The following SLC25A48 variants were observed in gnomAD, a reference collection of about 807,000 sequenced individuals.
The protein encoded by SLC25A48 is CTC-321K16.1.
SLC25A48 carries 29 observed loss-of-function variants against 32.2 expected under a neutral mutation model. That is an observed-to-expected ratio of 0.90 (90% CI 0.67 to 1.23). The LOEUF (loss-of-function observed/expected upper bound fraction) is 1.23, where lower values mean the gene tolerates loss of function less well. Ranked by LOEUF, SLC25A48 falls within the 50% of genes most tolerant of loss-of-function variation. SLC25A48 has a pLI of 0.00. For synonymous variants in SLC25A48, 164 were observed against 172.3 expected, an observed-to-expected ratio of 0.95 and a Z score of 0.38; for missense variants, 399 against 422.7, an observed-to-expected ratio of 0.94 and a Z score of 0.49.
chr5:135,723,404 AC>A (rs1561463931), intron 3 of SLC25A48, among the ~76,000 whole-genome samples: 1 of 80,464 alleles, frequency 1.2e-5, no homozygotes, highest in South Asian at 4.6e-4. Context: ...ACACACACAC[AC>A]ACACACACAA....
At chr5:135,584,929 T>G (rs1368046350) in intron 1 of SLC25A48, among the ~76,000 whole-genome samples, 1 of 152,260 alleles carries the variant, frequency 6.6e-6, no homozygotes, top group Non-Finnish European at 1.5e-5. Context: ...GTTGTAAAGC[T>G]TCTCTCCTTG....
chr5:135,759,885 A>C (rs201115946), intron 3 of SLC25A48, among the ~76,000 whole-genome samples: 1 of 147,148 alleles, frequency 6.8e-6, no homozygotes, highest in Non-Finnish European at 1.5e-5. Flanking sequence ...CCTGGAGTGC[A>C]ATGGCACGAT....
At chr5:135,636,404 T>G (rs1193107289) in intron 3 of SLC25A48, among the ~76,000 whole-genome samples, 1 of 152,244 alleles carries the variant, frequency 6.6e-6, no homozygotes, top group Admixed American at 6.5e-5. Flanking sequence ...AGGTCACTTC[T>G]GACTGGATGG....
intron 3 of SLC25A48, among the ~76,000 whole-genome samples, chr5:135,695,621 G>A (rs1218848575): frequency 6.6e-6 from 1 of 151,806 alleles, no homozygotes; most frequent in African/African-American, 2.4e-5. Flanking sequence ...ACCCACAGGG[G>A]TCTCTCTCTG....
intron 1 of SLC25A48, among the ~76,000 whole-genome samples, chr5:135,610,214 G>T (rs958322847): frequency 7.2e-5 from 11 of 152,162 alleles, no homozygotes; most frequent in Non-Finnish European, 2.9e-5. Flanking sequence ...ACATATTTCC[G>T]TGGCCTTTCT....
intron 6 of SLC25A48, 103 bp from the exon 7 acceptor site, chr5:135,879,865 C>A (rs2269927): frequency 1.4e-5 from 21 of 1,450,766 alleles, no homozygotes; most frequent in Non-Finnish European, 1.9e-5. Context: ...GGTGGGGGAC[C>A]GGGCCTGGGT....
At chr5:135,770,330 T>C in intron 3 of SLC25A48, among the ~76,000 whole-genome samples, 1 of 151,394 alleles carries the variant, frequency 6.6e-6, no homozygotes, top group Non-Finnish European at 1.5e-5. Flanking sequence ...GAGGATAATA[T>C]TACTCCCAAT....
intron 3 of SLC25A48, among the ~76,000 whole-genome samples, chr5:135,798,105 G>A (rs1342005102): frequency 6.6e-6 from 1 of 151,824 alleles, no homozygotes; most frequent in Non-Finnish European, 1.5e-5. Flanking sequence ...CACCACCCCT[G>A]TGATATTGTT....
intron 3 of SLC25A48, among the ~76,000 whole-genome samples, chr5:135,739,872 A>G (rs374400689): frequency 6.6e-6 from 1 of 152,192 alleles, no homozygotes; most frequent in Non-Finnish European, 1.5e-5. Flanking sequence ...TGTATATTGC[A>G]AAGTCTAGAC....
At chr5:135,702,813 G>A (rs182188196) in intron 3 of SLC25A48, among the ~76,000 whole-genome samples, 5 of 152,336 alleles carry the variant, frequency 3.3e-5, no homozygotes, top group East Asian at 1.9e-4. Context: ...CACAAAACAC[G>A]TGTTAGCGTG....
intron 3 of SLC25A48, among the ~76,000 whole-genome samples, chr5:135,646,055 T>C (rs986726743): frequency 6.6e-6 from 1 of 152,026 alleles, no homozygotes; most frequent in African/African-American, 2.4e-5. Context: ...CCTTAGGAAG[T>C]GTTTTGAATC....
intron 3 of SLC25A48, among the ~76,000 whole-genome samples, chr5:135,765,630 C>T (rs546421263): frequency 6.6e-6 from 1 of 150,914 alleles, no homozygotes; most frequent in African/African-American, 2.4e-5. Context: ...CATAATATCT[C>T]GGTGGGAAAA....
At chr5:135,628,652 T>G (rs748508984) in intron 1 of SLC25A48, among the ~76,000 whole-genome samples, 3 of 152,062 alleles carry the variant, frequency 2.0e-5, no homozygotes, top group Non-Finnish European at 4.4e-5. Flanking sequence ...TCTTCAGCAG[T>G]CTCTGTCTCT....
chr5:135,830,272 C>T (rs1580933970), upstream of SLC25A48, among the ~76,000 whole-genome samples: 1 of 152,354 alleles, frequency 6.6e-6, no homozygotes, highest in Non-Finnish European at 1.5e-5. Context: ...CGCTGCGCAG[C>T]AGCGCCCTCT....
Position 135,794,617 on chromosome 5 carries a change from G to A in SLC25A48, c.-520-17906G>A, listed in dbSNP as rs115942120. ...TGAAATTGTTCCTTATATTTAGGTGGAGAGAGAATAAATTTACTCCCAAGA... is the reference window on the plus strand; with the variant it reads ...TGAAATTGTTCCTTATATTTAGGTGAAGAGAGAATAAATTTACTCCCAAGA... On this transcript the variant is annotated intron_variant, in intron 3 of 10. Transcript: ENST00000646290. Among the ~76,000 whole-genome samples the A allele has an allele frequency of 7.1e-3, 1,070 of 151,716 alleles. 11 individuals carry two copies. The highest frequency in any genetic ancestry group is 0.024 in the African/African-American group (1,003 of 41,386).
chr5:135,611,983 G>A (rs922355379), intron 1 of SLC25A48, among the ~76,000 whole-genome samples: 1 of 152,180 alleles, frequency 6.6e-6, no homozygotes, highest in African/African-American at 2.4e-5. Context: ...AATGTTATTA[G>A]CATTAATAAG....
At chr5:135,864,330 A>C (rs893292829) in intron 4 of SLC25A48, among the ~76,000 whole-genome samples, 1 of 152,198 alleles carries the variant, frequency 6.6e-6, no homozygotes, top group Admixed American at 6.5e-5. Flanking sequence ...GATGTGTGGC[A>C]ACCAAGGAAA....
chr5:135,864,652 G>A (rs1390581196), intron 4 of SLC25A48, among the ~76,000 whole-genome samples: 1 of 152,224 alleles, frequency 6.6e-6, no homozygotes, highest in East Asian at 1.9e-4. Flanking sequence ...ATATGGCCAT[G>A]CAGTTCCAAA....
At chr5:135,734,691 C>A (rs981304309) in intron 3 of SLC25A48, among the ~76,000 whole-genome samples, 2 of 151,938 alleles carry the variant, frequency 1.3e-5, no homozygotes, top group Non-Finnish European at 2.9e-5. Context: ...GAGGCAGGTG[C>A]CTGTAGTCCC....
Sources: gnomAD v4.1 joint callset for allele counts (sites outside exome capture counted in the v4.1 genomes callset) on GRCh38, gnomAD v4.1.1 for gene constraint, MANE v1.5 for transcripts, NCBI Gene and HGNC (gene_info 2026-07-23, HGNC 2026-07-21) for gene names.